The following CDH18 variants were observed in gnomAD, a reference collection of about 807,000 sequenced individuals.
The protein encoded by CDH18 is cadherin 18.
Under a neutral mutation model 67.9 loss-of-function variants are expected in CDH18, and 31 were observed. The ratio of observed to expected loss-of-function variants is 0.46; its 90% confidence interval spans 0.34 to 0.62. CDH18 has a LOEUF of 0.62. Among genes scored for constraint, CDH18 ranks in the 20% least tolerant of loss-of-function variants. The pLI, the probability that CDH18 is intolerant of heterozygous loss-of-function variation, is 0.01. For missense variants in CDH18, 890 were observed against 975.5 expected (o/e 0.91, Z 1.17); for synonymous variants, 362 against 347.2 (o/e 1.04, Z -0.48).
intron 3 of CDH18, among the ~76,000 whole-genome samples, chr5:19,785,127 T>C (rs1171696006): frequency 6.6e-6 from 1 of 152,188 alleles, no homozygotes; most frequent in Non-Finnish European, 1.5e-5. Flanking sequence ...CCTGGGTACA[T>C]AGTCACTCAT....
chr5:20,455,764 G>A (rs1444753817), intron 1 of CDH18, among the ~76,000 whole-genome samples: 1 of 151,522 alleles, frequency 6.6e-6, no homozygotes, highest in African/African-American at 2.4e-5. Flanking sequence ...TCTTTACATA[G>A]AGCAATAGTT....
intron 5 of CDH18, among the ~76,000 whole-genome samples, chr5:19,638,977 GTTTTTTTTTTTTTT>G (rs34631530): frequency 8.2e-4 from 45 of 54,720 alleles, no homozygotes; most frequent in East Asian, 2.2e-3. Context: ...TTTTGTTGCT[GTTTTTTTTTTTTTT>G]TTTTTTTTTT....
intron 5 of CDH18, among the ~76,000 whole-genome samples, chr5:19,709,637 A>C (rs1044268142): frequency 6.6e-6 from 1 of 151,588 alleles, no homozygotes; most frequent in African/African-American, 2.4e-5. Flanking sequence ...AGAGAAAGAG[A>C]GAGAGAAAAA....
At position 19,707,409 on chromosome 5, in the gene CDH18, T is replaced by C. The variant is rs539927676; in HGVS notation, c.643+13938A>G. On this transcript the variant is annotated intron_variant, in intron 5 of 12. Coordinates refer to ENST00000382275, the MANE Select transcript of CDH18 (RefSeq NM_004934.5). ...TAACAAGGGCTGACACAGAGAACAA[T>C]TATACTTATTGGGCATATTTACCTT... Among the ~76,000 whole-genome samples the C allele has an allele frequency of 7.2e-5, 11 of 152,266 alleles. No individual in the cohort carries two copies. The South Asian group carries it at 2.3e-3, about 32-fold the overall frequency.
chr5:20,102,312 G>A lies in CDH18; in HGVS notation c.-517-110298C>T, dbSNP rs148049827. 2.2e-3 allele frequency among the ~76,000 whole-genome samples: 329 copies of A among 151,950 alleles called. 1 individual carries two copies. Among genetic ancestry groups the A allele is most frequent in the African/African-American group, 7.7e-3 (321 of 41,484 alleles). ...TACGGAAGTACGTTAAGACAGTGAA[G>A]TACATATTCTGTTTCCCCTTAATAC... On this transcript the variant is annotated intron_variant, in intron 2 of 14. Coordinates refer to the CDH18 transcript ENST00000507958.
chr5:20,269,151 C>A (rs189328648), intron 1 of CDH18, among the ~76,000 whole-genome samples: 4 of 151,992 alleles, frequency 2.6e-5, no homozygotes, highest in Admixed American at 2.6e-4. Context: ...CACTAATCAT[C>A]CAAGAAATGC....
intron 1 of CDH18, among the ~76,000 whole-genome samples, chr5:20,348,138 T>C (rs1293256770): frequency 6.6e-6 from 1 of 152,196 alleles, no homozygotes; most frequent in East Asian, 1.9e-4. Flanking sequence ...ATCTAGATCT[T>C]CTAGTAAATT....
intron 5 of CDH18, among the ~76,000 whole-genome samples, chr5:19,716,165 T>A (rs1256858643): frequency 3.9e-5 from 6 of 152,034 alleles, no homozygotes; most frequent in Admixed American, 3.9e-4. Flanking sequence ...AGTCCTATAT[T>A]TTTCCAAGGA....
chr5:20,334,327 C>T (rs1441387611), intron 1 of CDH18, among the ~76,000 whole-genome samples: 2 of 150,462 alleles, frequency 1.3e-5, no homozygotes, highest in Non-Finnish European at 3.0e-5. Context: ...TTAGTAGAGA[C>T]GGGGTTTCAC....
chr5:19,925,498 T>C (rs1792982422), intron 2 of CDH18, among the ~76,000 whole-genome samples: 1 of 152,096 alleles, frequency 6.6e-6, no homozygotes. Flanking sequence ...TTTTCTTTTT[T>C]TTTCCTTTTT....
intron 1 of CDH18, among the ~76,000 whole-genome samples, chr5:20,490,101 C>T (rs1000559528): frequency 1.3e-5 from 2 of 150,600 alleles, no homozygotes; most frequent in Non-Finnish European, 3.0e-5. Flanking sequence ...ATTAATAATA[C>T]TAATTAATAA....
At chr5:20,009,571 C>A (rs1737220209) in intron 2 of CDH18, among the ~76,000 whole-genome samples, 1 of 152,030 alleles carries the variant, frequency 6.6e-6, no homozygotes, top group African/African-American at 2.4e-5. Flanking sequence ...ATATAGAGAA[C>A]TTTAAATGCT....
chr5:19,657,538 T>C (rs1756568805), intron 5 of CDH18, among the ~76,000 whole-genome samples: 1 of 152,112 alleles, frequency 6.6e-6, no homozygotes, highest in Non-Finnish European at 1.5e-5. Context: ...TTGTTTTTAA[T>C]AAATAGGTTT....
intron 4 of CDH18, among the ~76,000 whole-genome samples, chr5:19,734,862 G>A (rs1401025818): frequency 6.6e-6 from 1 of 152,040 alleles, no homozygotes; most frequent in East Asian, 1.9e-4. Context: ...ATGTCAAGGG[G>A]TGATATATCA....
At chr5:20,504,482 TAA>T (rs1234308263) in intron 1 of CDH18, among the ~76,000 whole-genome samples, 2 of 152,158 alleles carry the variant, frequency 1.3e-5, no homozygotes, top group Non-Finnish European at 2.9e-5. Context: ...TCGCCTTGAA[TAA>T]AAGTTTTTAG....
chr5:20,006,358 A>G (rs1303586473), intron 2 of CDH18, among the ~76,000 whole-genome samples: 1 of 151,958 alleles, frequency 6.6e-6, no homozygotes, highest in Non-Finnish European at 1.5e-5. Context: ...AATTATTTAC[A>G]ATAATATTTT....
chr5:20,188,988 G>A (rs1022791862), intron 2 of CDH18, among the ~76,000 whole-genome samples: 1 of 151,990 alleles, frequency 6.6e-6, no homozygotes, highest in South Asian at 2.1e-4. Context: ...CCTGAGTCCA[G>A]CTGTTTGATT....
At chr5:20,390,008 C>A (rs1173985256) in intron 1 of CDH18, among the ~76,000 whole-genome samples, 17 of 152,010 alleles carry the variant, frequency 1.1e-4, no homozygotes, top group African/African-American at 4.1e-4. Flanking sequence ...TAAAGACTTA[C>A]ATGTTAGATC....
chr5:19,799,323 A>G (rs1192759305), intron 3 of CDH18, among the ~76,000 whole-genome samples: 5 of 152,038 alleles, frequency 3.3e-5, no homozygotes, highest in African/African-American at 1.2e-4. Flanking sequence ...TTCATTATGT[A>G]AGATAAATAT....
Sources: allele counts gnomAD v4.1 joint callset (sites outside exome capture counted in the v4.1 genomes callset), GRCh38; gene constraint gnomAD v4.1.1; transcripts MANE v1.5; gene names NCBI Gene and HGNC (gene_info 2026-07-23, HGNC 2026-07-21).